LTAP1: variants seen among roughly 807,000 people sequenced by gnomAD.
LTAP1 encodes the protein HCV NS5A-transactivated protein 4.
At chr1:154,215,963 G>A in the LTAP1 span, among the ~76,000 whole-genome samples, 7 of 150,994 alleles carry the variant, frequency 4.6e-5, no homozygotes, top group African/African-American at 1.2e-4. Context: ...TCAGCCTCCC[G>A]AGTAGCTGGG....
chr1:154,214,496 C>A, the LTAP1 span: 1 of 1,614,036 alleles, frequency 6.2e-7, no homozygotes, highest in Non-Finnish European at 8.5e-7. Context: ...AGTCTAGCAT[C>A]ATCATCTGCA....
the LTAP1 span, chr1:154,220,409 G>A: frequency 6.2e-7 from 1 of 1,614,094 alleles, no homozygotes; most frequent in African/African-American, 1.3e-5. Context: ...GGACGCCATG[G>A]CCTCCCTACC....
the LTAP1 span, chr1:154,207,666 G>A: frequency 4.4e-6 from 7 of 1,576,256 alleles, no homozygotes; most frequent in Non-Finnish European, 6.0e-6. Flanking sequence ...ACAGAGAGGG[G>A]AGGTCATTGA....
chr1:154,210,482 TTTA>T, the LTAP1 span, among the ~76,000 whole-genome samples: 3 of 151,888 alleles, frequency 2.0e-5, no homozygotes, highest in South Asian at 2.1e-4. Context: ...TAACTAACTG[TTTA>T]TTATTATTTT....
At chr1:154,211,495 C>T in the LTAP1 span, among the ~76,000 whole-genome samples, 2 of 151,372 alleles carry the variant, frequency 1.3e-5, no homozygotes, top group Non-Finnish European at 2.9e-5. Flanking sequence ...CACCACCATG[C>T]CCAGCTAATT....
the LTAP1 span, chr1:154,212,433 T>G: frequency 6.2e-7 from 1 of 1,614,060 alleles, no homozygotes; most frequent in Non-Finnish European, 8.5e-7. Flanking sequence ...ATCTCTTTAG[T>G]GCCCCGAAGA....
the LTAP1 span, chr1:154,220,225 C>A: frequency 7.7e-7 from 1 of 1,306,878 alleles, no homozygotes; most frequent in African/African-American, 1.4e-5. Context: ...AATAAGGAGT[C>A]AAAGCCCGGA....
the LTAP1 span, among the ~76,000 whole-genome samples, chr1:154,215,382 C>T: frequency 7.2e-5 from 11 of 151,854 alleles, no homozygotes; most frequent in Non-Finnish European, 1.3e-4. Flanking sequence ...CTGGCTAACA[C>T]GGTGAAACCC....
At chr1:154,214,041 G>A in the LTAP1 span, 5 of 1,131,162 alleles carry the variant, frequency 4.4e-6, no homozygotes, top group South Asian at 1.4e-5. Context: ...ACTTTGGGAG[G>A]CTGAGGTGGG....
At chr1:154,220,565 G>T in the LTAP1 span, 1 of 706,998 alleles carries the variant, frequency 1.4e-6, no homozygotes, top group Non-Finnish European at 2.4e-6. Context: ...AAACATGGCG[G>T]ACAGGCAGGA....
At chr1:154,220,248 A>G in the LTAP1 span, 2 of 1,438,764 alleles carry the variant, frequency 1.4e-6, no homozygotes, top group Non-Finnish European at 2.0e-6. Flanking sequence ...GGCGCAGGTG[A>G]GTGGGTGGAG....
the LTAP1 span, among the ~76,000 whole-genome samples, chr1:154,218,565 A>G: frequency 6.6e-6 from 1 of 152,218 alleles, no homozygotes; most frequent in Non-Finnish European, 1.5e-5. Flanking sequence ...TTGTTAATGA[A>G]AGTACAGTGC....
the LTAP1 span, chr1:154,207,472 G>A: frequency 6.2e-7 from 1 of 1,613,972 alleles, no homozygotes; most frequent in Non-Finnish European, 8.5e-7. Context: ...ACTCTCCAAT[G>A]TGTTATAGTT....
At chr1:154,214,243 T>A in the LTAP1 span, among the ~76,000 whole-genome samples, 14 of 151,990 alleles carry the variant, frequency 9.2e-5, no homozygotes, top group Non-Finnish European at 1.6e-4. Context: ...ACCATTGCAC[T>A]CCAGCCTGGG....
At chr1:154,216,176 T>A in the LTAP1 span, among the ~76,000 whole-genome samples, 1 of 152,052 alleles carries the variant, frequency 6.6e-6, no homozygotes, top group Non-Finnish European at 1.5e-5. Context: ...CATCCCTCAT[T>A]GAATGCTCCG....
chr1:154,207,504 A>G, the LTAP1 span: 1 of 1,614,114 alleles, frequency 6.2e-7, no homozygotes, highest in Non-Finnish European at 8.5e-7. Flanking sequence ...TCTTCAATTC[A>G]AGGAAGTGCT....
chr1:154,210,584 T>G, the LTAP1 span, among the ~76,000 whole-genome samples: 6 of 152,130 alleles, frequency 3.9e-5, no homozygotes, highest in Non-Finnish European at 7.3e-5. Context: ...TTCAAGCGAT[T>G]CTCCTGCCTC....
the LTAP1 span, among the ~76,000 whole-genome samples, chr1:154,215,212 A>C: frequency 6.6e-6 from 1 of 152,184 alleles, no homozygotes; most frequent in African/African-American, 2.4e-5. Flanking sequence ...TACTTTAAAA[A>C]AAAATTAACA....
chr1:154,216,572 C>T, the LTAP1 span, among the ~76,000 whole-genome samples: 1 of 152,016 alleles, frequency 6.6e-6, no homozygotes, highest in Non-Finnish European at 1.5e-5. Context: ...GTGGCATGAT[C>T]TTGGCTCATT....
Sources: allele counts gnomAD v4.1 joint callset (sites outside exome capture counted in the v4.1 genomes callset), GRCh38; gene constraint gnomAD v4.1.1; transcripts MANE v1.5; gene names NCBI Gene and HGNC (gene_info 2026-07-23, HGNC 2026-07-21).